The following WDHD1 variants were observed in gnomAD, a reference collection of about 807,000 sequenced individuals.
The protein encoded by WDHD1 is WD repeat and HMG-box DNA-binding protein 1.
WDHD1 carries 111 observed loss-of-function variants against 135.4 expected under a neutral mutation model. The ratio of observed to expected loss-of-function variants is 0.82; its 90% confidence interval spans 0.70 to 0.96. The LOEUF is 0.96. WDHD1 is among the 40% of genes least tolerant of loss of function. The pLI is 0.00. For missense variants in WDHD1, 1,351 were observed against 1,336.3 expected (o/e 1.01, Z -0.17); for synonymous variants, 434 against 439.0 (o/e 0.99, Z 0.14).
chr14:54,957,660 T>G, intron 21 of WDHD1, 25 bp from the exon 22 acceptor site: 3 of 1,591,816 alleles, frequency 1.9e-6, no homozygotes, highest in Non-Finnish European at 2.6e-6. Context: ...AAACCCTTGC[T>G]TAATAATGGT....
intron 8 of WDHD1, among the ~76,000 whole-genome samples, 182 bp downstream of exon 8, chr14:55,001,911 G>C (rs1348459074): frequency 1.3e-5 from 2 of 152,124 alleles, no homozygotes; most frequent in Non-Finnish European, 2.9e-5. Flanking sequence ...TTATAACAAA[G>C]ACCTATTTAG....
Position 54,983,435 on chromosome 14 carries a change from G to A in WDHD1, c.1906+1288C>T, listed in dbSNP as rs534711726. The stretch of plus-strand genomic sequence containing the variant: ...CGCCTGTAATCCCAGCACTTCAGGA[G>A]GTCGAGGCGGGTGGATCACATGAGG... On this transcript the variant is annotated intron_variant, in intron 15 of 25. Coordinates refer to ENST00000360586, the MANE Select transcript of WDHD1 (RefSeq NM_007086.4). Among the ~76,000 whole-genome samples the A allele has an allele frequency of 1.5e-4, 23 of 152,124 alleles. No homozygotes were observed. The East Asian group carries it at 4.3e-3, about 28-fold the overall frequency.
intron 24 of WDHD1, 80 bp from the exon 25 acceptor site, chr14:54,944,550 C>T: frequency 1.5e-6 from 2 of 1,350,576 alleles, no homozygotes; most frequent in South Asian, 1.6e-5. Flanking sequence ...TAGTAATCAA[C>T]CATAAGTCTC....
chr14:54,945,412 G>T (rs180768287), intron 24 of WDHD1, among the ~76,000 whole-genome samples: 1 of 152,268 alleles, frequency 6.6e-6, no homozygotes, highest in African/African-American at 2.4e-5. Context: ...ACTATGAGAT[G>T]GATACAGTTA....
chr14:54,992,550 A>G (rs2041809475), intron 11 of WDHD1, among the ~76,000 whole-genome samples: 2 of 152,192 alleles, frequency 1.3e-5, no homozygotes, highest in Non-Finnish European at 2.9e-5. Flanking sequence ...GAAAGCTTCT[A>G]TTTGCCATTA....
At chr14:55,003,721 G>A (rs2042016248) in intron 7 of WDHD1, among the ~76,000 whole-genome samples, 1 of 149,130 alleles carries the variant, frequency 6.7e-6, no homozygotes, top group Admixed American at 6.7e-5. Flanking sequence ...ACACCACCAC[G>A]CCTGGCTAAT....
chr14:54,989,586 T>C (rs2041750861), intron 12 of WDHD1, among the ~76,000 whole-genome samples: 1 of 152,078 alleles, frequency 6.6e-6, no homozygotes, highest in African/African-American at 2.4e-5. Flanking sequence ...TTCTTACAAA[T>C]ATGGATGCAA....
intron 2 of WDHD1, among the ~76,000 whole-genome samples, chr14:55,021,762 C>T (rs772117402): frequency 6.6e-5 from 10 of 152,112 alleles, no homozygotes; most frequent in Middle Eastern, 3.2e-3. Context: ...TTGCCATACC[C>T]ACAATCTCCT....
At position 54,957,077 on chromosome 14, in the gene WDHD1, G is replaced by C; in HGVS notation, c.2873C>G (p.Ser958Cys). 1 of 1,613,974 alleles carries C rather than the reference G, an allele frequency of 6.2e-7. No individual in the cohort carries two copies. Among genetic ancestry groups the C allele is most frequent in the East Asian group, 2.2e-5 (1 of 44,894 alleles). ...TGGAATCAGAGGCTTTATAATGGGA[G>C]ACTTTTCATTATTTGTAGTTCGACT... ...ALSRTTNNEK[S>C]PIIKPLIPKP... is the part of the protein sequence containing the mutation. The change falls in exon 23 of 26, where the codon TCT becomes TGT. Residue 958 changes from serine (S) to cysteine (C), a missense_variant. Coordinates refer to ENST00000360586, the MANE Select transcript of WDHD1 (RefSeq NM_007086.4).
At chr14:55,021,159 G>T (rs2042340865) in intron 2 of WDHD1, among the ~76,000 whole-genome samples, 1 of 152,172 alleles carries the variant, frequency 6.6e-6, no homozygotes, top group Non-Finnish European at 1.5e-5. Context: ...TTTCTATACA[G>T]TACCAATCCT....
chr14:54,995,531 T>G, intron 11 of WDHD1, 72 bp downstream of exon 11: 1 of 1,204,890 alleles, frequency 8.3e-7, no homozygotes, highest in Non-Finnish European at 1.1e-6. Context: ...CAATAATGAC[T>G]TTAATAGTGT....
intron 21 of WDHD1, among the ~76,000 whole-genome samples, chr14:54,960,997 G>C (rs2041242915): frequency 6.6e-6 from 1 of 152,084 alleles, no homozygotes; most frequent in African/African-American, 2.4e-5. Context: ...TGTAGAGATA[G>C]GGTTTCATTG....
At position 55,000,468 on chromosome 14, in the gene WDHD1, T is replaced by A. The variant is rs759612233; in HGVS notation, c.942+35A>T. 35 of 1,534,268 alleles carry A rather than the reference T, an allele frequency of 2.3e-5. 1 individual carries two copies. The highest frequency in any genetic ancestry group is 1.6e-4 in the Admixed American group (8 of 48,564). On this transcript the variant is annotated intron_variant, in intron 10 of 25. Transcript: ENST00000360586. ...CCAAATCCATATGATCACAGAAACA[T>A]TTTGAAGAAACTGTTGTACCATACT...
At chr14:54,946,557 C>T (rs1243237163) in intron 24 of WDHD1, among the ~76,000 whole-genome samples, 1 of 152,144 alleles carries the variant, frequency 6.6e-6, no homozygotes, top group Non-Finnish European at 1.5e-5. Flanking sequence ...ATAATCAGCT[C>T]ACTGCCACCT....
At chr14:55,017,287 C>T (rs1335145570) in intron 2 of WDHD1, among the ~76,000 whole-genome samples, 1 of 152,148 alleles carries the variant, frequency 6.6e-6, no homozygotes, top group African/African-American at 2.4e-5. Flanking sequence ...TTTATTGTAT[C>T]AAATAACTAC....
chr14:55,015,164 G>A (rs2140228356), intron 2 of WDHD1, among the ~76,000 whole-genome samples: 1 of 152,056 alleles, frequency 6.6e-6, no homozygotes, highest in African/African-American at 2.4e-5. Context: ...ATTAGTATTA[G>A]TTGCATCAAA....
chr14:54,963,184 AGGGGGGGG>A lies in WDHD1; in HGVS notation c.2311-20_2311-13del. 1 of 174,884 alleles carries A rather than the reference AGGGGGGGG, an allele frequency of 5.7e-6. No homozygotes were observed. Among genetic ancestry groups the A allele is most frequent in the Non-Finnish European group, 1.2e-5 (1 of 86,442 alleles). The allele number at this position is 174,884 out of a possible 1,614,324, so 10.8% of individuals were successfully genotyped here. A position where few individuals can be genotyped will look rare whatever the true frequency, so the allele number is the denominator to read the frequency against. On this transcript the variant is annotated splice_polypyrimidine_tract_variant and intron_variant, in intron 18 of 25. Transcript: ENST00000360586. ...AGTTTACAAGAAAGCTAATCCAAAA[AGGGGGGGG>A]GGGGGGAGATCAAATAACATCAAGT...
rs1337012189 is a variant in WDHD1 at position 54,984,703 on chromosome 14, T to C, written c.1906+20A>G. The C allele has an allele frequency of 6.9e-6, 11 of 1,587,660 alleles. No homozygotes were observed. Among genetic ancestry groups the C allele is most frequent in the South Asian group, 1.2e-5 (1 of 85,502 alleles). On this transcript the variant is annotated intron_variant, in intron 15 of 25. Transcript: ENST00000360586. ...AACACTTTATATTATACTTGTTTTT[T>C]TTAAACAAATTTATCTTGCCTTCAG...
At chr14:55,024,420 CCT>C (rs2042398772) in intron 2 of WDHD1, among the ~76,000 whole-genome samples, 2 of 152,162 alleles carry the variant, frequency 1.3e-5, no homozygotes, top group Non-Finnish European at 1.5e-5. Flanking sequence ...ATCCCTGTTG[CCT>C]CTTTCTCCAT....
Sources: allele counts gnomAD v4.1 joint callset (sites outside exome capture counted in the v4.1 genomes callset), GRCh38; gene constraint gnomAD v4.1.1; transcripts MANE v1.5; gene names NCBI Gene and HGNC (gene_info 2026-07-23, HGNC 2026-07-21).